UBXN6: variants seen among roughly 807,000 people sequenced by gnomAD.
The protein encoded by UBXN6 is UBX domain protein 6.
UBXN6 carries 44 observed loss-of-function variants against 51.4 expected under a neutral mutation model. The ratio of observed to expected loss-of-function variants is 0.86; its 90% CI spans 0.67 to 1.10. The LOEUF is 1.10. Among genes scored for constraint, UBXN6 ranks in the 50% least tolerant of loss-of-function variants. The probability of loss-of-function intolerance (pLI) is 0.00; values close to 1 mark genes in which losing one functional copy is unlikely to be tolerated. For synonymous variants in UBXN6, 316 were observed against 263.2 expected, an observed-to-expected ratio of 1.20 and a Z score of -1.94; for missense variants, 672 against 596.1, an observed-to-expected ratio of 1.13 and a Z score of -1.32.
rs201783696 is a variant in UBXN6, at chr19:4,446,176, C to T, written c.1073G>A (p.Arg358Gln). ...LLQGTFYARE[R>Q]LGAVYGFVRE... The stretch of plus-strand genomic sequence containing the variant: ...GACGAACCCGTACACCGCCCCCAGC[C>T]GCTCCCGAGCGTAGAAAGTGCCTGG... Residue 358 changes from arginine (R) to glutamine (Q), a missense_variant, in exon 10 of 11, where the codon CGG becomes CAG. Transcript: ENST00000301281. 5.7e-5 allele frequency: 91 copies of T among 1,607,672 alleles called. 1 individual carries two copies. The East Asian group carries it at 1.6e-3, about 28-fold the overall frequency.
At position 4,452,402 on chromosome 19, in the gene UBXN6, C is replaced by T; in HGVS notation, c.403G>A (p.Asp135Asn). The change falls in exon 4 of 11, where the codon GAC becomes AAC. Residue 135 changes from aspartate (D) to asparagine (N), a missense_variant. By Grantham distance (23) the Asp-to-Asn change is conservative. Coordinates refer to ENST00000301281, the MANE Select transcript of UBXN6 (RefSeq NM_025241.3). ...CPLTGATLRK[D>N]QRDACIKEAI... is the part of the protein sequence containing the mutation. The stretch of plus-strand genomic sequence containing the variant: ...TCCTTGATGCAGGCGTCCCGCTGGT[C>T]CTTCCTCAGGGTGGCCCCAGTGAGC... 6.2e-7 allele frequency: 1 copy of T among 1,613,414 alleles called. No individual in the cohort carries two copies. Among genetic ancestry groups the T allele is most frequent in the Non-Finnish European group, 8.5e-7 (1 of 1,179,948 alleles).
intron 7 of UBXN6, 43 bp from the exon 8 acceptor site, chr19:4,446,762 A>C: frequency 2.5e-6 from 4 of 1,610,418 alleles, no homozygotes; most frequent in South Asian, 1.1e-5. Flanking sequence ...CAATGGAGAG[A>C]CCCCCAAGCC....
chr19:4,446,206 TG>T lies in UBXN6; in HGVS notation c.1052-10del. The stretch of plus-strand genomic sequence containing the variant: ...CCGAGCGTAGAAAGTGCCTGGGGAG[TG>T]GGGGAGTCAGAGCGGGTGGGGCCCA... On this transcript the variant is annotated splice_polypyrimidine_tract_variant and intron_variant, in intron 9 of 10. Transcript: ENST00000301281. The T allele has an allele frequency of 6.3e-7, 1 of 1,596,334 alleles. No individual in the cohort carries two copies.
rs374004284 is a variant in UBXN6 at position 4,452,351 on chromosome 19, G to A, written c.441+13C>T. The A allele has an allele frequency of 1.5e-5, 24 of 1,612,428 alleles. No individual in the cohort carries two copies. The African/African-American group carries it at 2.4e-4, about 16-fold the overall frequency. The stretch of plus-strand genomic sequence containing the variant: ...CTACAGGTTGGGGCAGGAGCACACA[G>A]GGTGCCACTCACCAAGAGAATGGCC... On this transcript the variant is annotated intron_variant, in intron 4 of 10. Coordinates refer to ENST00000301281, the MANE Select transcript of UBXN6 (RefSeq NM_025241.3).
chr19:4,453,709 G>C (rs1340477577), intron 2 of UBXN6, among the ~76,000 whole-genome samples, 187 bp from the exon 3 acceptor site: 3 of 152,132 alleles, frequency 2.0e-5, no homozygotes, highest in Non-Finnish European at 4.4e-5. Flanking sequence ...GCCTGAGCAA[G>C]CACCCCACTG....
upstream of UBXN6, chr19:4,457,797 A>C (rs1599684145): frequency 5.7e-5 from 2 of 34,834 alleles, no homozygotes; most frequent in Non-Finnish European, 4.2e-5. Flanking sequence ...AAGAAAATTA[A>C]AAAAAAAAAA....
rs1465947787 is a variant in UBXN6, at chr19:4,457,723, G to C, written c.-26C>G. 8 of 1,493,494 alleles carry C rather than the reference G, an allele frequency of 5.4e-6. No homozygotes were observed. The highest frequency in any genetic ancestry group is 6.2e-6 in the Non-Finnish European group (7 of 1,121,330). 92.5% of individuals were successfully genotyped at this position (1,493,494 alleles called of 1,614,324 possible). A position where few individuals can be genotyped will look rare whatever the true frequency, so the allele number is the denominator to read the frequency against. On this transcript the variant is annotated 5_prime_UTR_variant, in exon 1 of 11. Transcript: ENST00000301281. ...GGTGGCGGCTGGCCCGGCGGCGGGG[G>C]GCCGCGGGGGCGGGGGGGCACGGGG...
At chr19:4,447,263 A>C in intron 6 of UBXN6, 1 of 571,032 alleles carries the variant, frequency 1.8e-6, no homozygotes, top group East Asian at 2.9e-5. Context: ...TTTGCATGAG[A>C]AACCTCCCCA....
At chr19:4,448,457 G>C in intron 4 of UBXN6, 42 bp from the exon 5 acceptor site, 1 of 1,518,174 alleles carries the variant, frequency 6.6e-7, no homozygotes, top group Non-Finnish European at 9.0e-7. Flanking sequence ...CTGAGAGCCC[G>C]GGCCGCACGG....
chr19:4,455,209 C>T (rs1168127089), intron 1 of UBXN6: 46 of 985,476 alleles, frequency 4.7e-5, no homozygotes, highest in Non-Finnish European at 5.5e-5. Flanking sequence ...CAGGCCCCTC[C>T]CATGAACTTA....
chr19:4,445,470 C>A lies in UBXN6; in HGVS notation c.*28G>T. On this transcript the variant is annotated 3_prime_UTR_variant, in exon 11 of 11. Coordinates refer to ENST00000301281, the MANE Select transcript of UBXN6 (RefSeq NM_025241.3). ...ACAGGGAGAGCATGAGACAGACCCACAGGGCTGAGGCCAACCCTGCTTTTA... is the reference window on the plus strand; with the variant it reads ...ACAGGGAGAGCATGAGACAGACCCAAAGGGCTGAGGCCAACCCTGCTTTTA... 1.2e-6 allele frequency: 2 copies of A among 1,613,346 alleles called. No homozygotes were observed.
At chr19:4,446,794 C>T (rs773031256) in intron 7 of UBXN6, 42 bp downstream of exon 7, 63 of 1,613,658 alleles carry the variant, frequency 3.9e-5, no homozygotes, top group Non-Finnish European at 5.3e-5. Context: ...CCCCGAGGCC[C>T]CTCGTCCCCA....
rs1340298062 is a variant in UBXN6 at position 4,445,180 on chromosome 19, C to T, written c.*318G>A. On this transcript the variant is annotated 3_prime_UTR_variant, in exon 11 of 11. Coordinates refer to ENST00000301281, the MANE Select transcript of UBXN6 (RefSeq NM_025241.3). ...GAACAGGACCCATGCTGCAGGCCTG[C>T]TCTCCTGCCCAGGGAGATGCCACGT... 2 of 344,364 alleles carry T rather than the reference C, an allele frequency of 5.8e-6. No homozygotes were observed. The highest frequency in any genetic ancestry group is 2.1e-5 in the African/African-American group (1 of 46,808). 21.3% of individuals were successfully genotyped at this position (344,364 alleles called of 1,614,324 possible).
chr19:4,453,902 C>T (rs757032577), intron 2 of UBXN6, 28 bp downstream of exon 2: 15 of 1,601,924 alleles, frequency 9.4e-6, no homozygotes, highest in Middle Eastern at 1.7e-4. Context: ...ACAGCCCCAA[C>T]CTGGGCCCGA....
chr19:4,447,527 CG>C (rs763440281), intron 6 of UBXN6, 22 bp downstream of exon 6: 2 of 1,612,352 alleles, frequency 1.2e-6, no homozygotes, highest in Non-Finnish European at 1.7e-6. Flanking sequence ...GCCTGGGCCC[CG>C]GGGGCCAGAA....
rs1428885704 is a variant in UBXN6 at position 4,452,376 on chromosome 19, C to T, written c.429G>A (p.Glu143=). The T allele has an allele frequency of 1.2e-6, 2 of 1,613,504 alleles. No homozygotes were observed. The highest frequency in any genetic ancestry group is 1.7e-6 in the Non-Finnish European group (2 of 1,179,840). ...GGGTGCCACTCACCAAGAGAATGGCCTCCTTGATGCAGGCGTCCCGCTGGT... is the reference window on the plus strand; with the variant it reads ...GGGTGCCACTCACCAAGAGAATGGCTTCCTTGATGCAGGCGTCCCGCTGGT... ...RKDQRDACIK[E]AILLHFSTDP... is the part of the protein sequence containing the mutation. The change falls in exon 4 of 11, where the codon GAG becomes GAA. Residue 143 remains glutamate (E), a synonymous_variant. Transcript: ENST00000301281.
intron 4 of UBXN6, chr19:4,449,095 C>A (rs538915568): frequency 6.5e-6 from 1 of 154,038 alleles, no homozygotes; most frequent in African/African-American, 2.4e-5. Context: ...CGAACAGCGT[C>A]CCAGCATGGA....
In UBXN6 at chr19:4,455,139, C is replaced by T. The variant is rs1273290727; in HGVS notation, c.84-1046G>A. 7.6e-6 allele frequency: 7 copies of T among 921,958 alleles called. No individual in the cohort carries two copies. The South Asian group carries it at 2.0e-4, about 26-fold the overall frequency. 57.1% of individuals were successfully genotyped at this position (921,958 alleles called of 1,614,324 possible). On this transcript the variant is annotated intron_variant, in intron 1 of 10. Coordinates refer to ENST00000301281, the MANE Select transcript of UBXN6 (RefSeq NM_025241.3). The stretch of plus-strand genomic sequence containing the variant: ...TGGCACAGTGACCTGGCAGAGAAGC[C>T]TCGCAGAGAAGCCCTTTCTCCCAAC...
intron 1 of UBXN6, chr19:4,454,769 C>CT (rs1317533698): frequency 6.6e-6 from 1 of 152,236 alleles, no homozygotes; most frequent in Non-Finnish European, 1.5e-5. Flanking sequence ...CCCTCCCTCC[C>CT]TGCCATAAGA....
Sources: gnomAD v4.1 joint callset for allele counts (sites outside exome capture counted in the v4.1 genomes callset) on GRCh38, gnomAD v4.1.1 for gene constraint, MANE v1.5 for transcripts, NCBI Gene and HGNC (gene_info 2026-07-23, HGNC 2026-07-21) for gene names.